SCN11A: variants seen among roughly 807,000 people sequenced by gnomAD.
The protein encoded by SCN11A is sodium voltage-gated channel alpha subunit 11.
In SCN11A, 122 loss-of-function variants were observed where a neutral mutation model predicts 162.2. That is an observed-to-expected ratio of 0.75 (90% CI 0.65 to 0.87). The LOEUF (loss-of-function observed/expected upper bound fraction) is 0.87, where lower values mean the gene tolerates loss of function less well. SCN11A is among the 40% of genes least tolerant of loss of function. The probability of loss-of-function intolerance (pLI) is 0.00; values close to 1 mark genes in which losing one functional copy is unlikely to be tolerated. For missense variants in SCN11A, 2,015 were observed against 2,181.6 expected (o/e 0.92, Z 1.52); for synonymous variants, 758 against 751.5 (o/e 1.01, Z -0.14).
At chr3:38,923,418 CCCTTGGTGGTCTCA>C (rs1240729161) in intron 9 of SCN11A, among the ~76,000 whole-genome samples, 1 of 152,152 alleles carries the variant, frequency 6.6e-6, no homozygotes, top group Non-Finnish European at 1.5e-5. Flanking sequence ...TGAATCCTTT[CCCTTGGTGGTCTCA>C]CAGCCATCTC....
chr3:39,012,843 G>A (rs1014336010), intron 2 of SCN11A, among the ~76,000 whole-genome samples: 5 of 152,084 alleles, frequency 3.3e-5, no homozygotes, highest in African/African-American at 1.2e-4. Flanking sequence ...TAACTTCCTT[G>A]CTTCATAAAT....
chr3:38,956,284 T>A (rs2066681062), intron 3 of SCN11A, among the ~76,000 whole-genome samples: 1 of 151,926 alleles, frequency 6.6e-6, no homozygotes. Flanking sequence ...AAGAAGCAAT[T>A]GCCCTGACAG....
chr3:38,870,945 T>G (rs2065116077), intron 25 of SCN11A, among the ~76,000 whole-genome samples: 1 of 152,180 alleles, frequency 6.6e-6, no homozygotes, highest in South Asian at 2.1e-4. Flanking sequence ...TCTTCTTCAT[T>G]TGTACAAGAT....
chr3:38,917,780 T>C (rs145739146), intron 11 of SCN11A, among the ~76,000 whole-genome samples: 2,419 of 152,220 alleles, frequency 0.016, 67 homozygotes, highest in African/African-American at 0.056. Context: ...CAAACCTGCA[T>C]ATGTACCCCT....
At chr3:38,894,469 TACC>T in intron 19 of SCN11A, 61 bp downstream of exon 19, 1 of 1,343,902 alleles carries the variant, frequency 7.4e-7, no homozygotes. Flanking sequence ...AAGGGCAGGC[TACC>T]AGTGCCCTGT....
chr3:38,854,889 G>C (rs973800143), intron 28 of SCN11A, among the ~76,000 whole-genome samples: 5 of 152,208 alleles, frequency 3.3e-5, no homozygotes, highest in Non-Finnish European at 7.3e-5. Flanking sequence ...GTATCTCACA[G>C]GGGTCTTCTG....
At chr3:38,937,091 T>C (rs2066346400) in intron 7 of SCN11A, among the ~76,000 whole-genome samples, 1 of 152,110 alleles carries the variant, frequency 6.6e-6, no homozygotes, top group Non-Finnish European at 1.5e-5. Flanking sequence ...ATCTGATCTT[T>C]GACAAACCTG....
At chr3:39,030,024 C>T (rs2031707257) in intron 2 of SCN11A, among the ~76,000 whole-genome samples, 1 of 152,188 alleles carries the variant, frequency 6.6e-6, no homozygotes, top group South Asian at 2.1e-4. Context: ...GGGTTGCCAG[C>T]CCACAGTGCT....
intron 2 of SCN11A, among the ~76,000 whole-genome samples, chr3:39,027,194 CCT>C (rs1421153915): frequency 6.6e-6 from 1 of 152,122 alleles, no homozygotes; most frequent in East Asian, 1.9e-4. Flanking sequence ...ATTGAACATC[CCT>C]GTCTTGTTTA....
At chr3:38,967,837 C>T (rs768624277) in intron 2 of SCN11A, among the ~76,000 whole-genome samples, 9 of 152,226 alleles carry the variant, frequency 5.9e-5, no homozygotes, top group Non-Finnish European at 8.8e-5. Flanking sequence ...AAGGCATCAA[C>T]GCCCAACTCA....
At chr3:38,884,301 C>T (rs985638615) in intron 21 of SCN11A, among the ~76,000 whole-genome samples, 1 of 152,158 alleles carries the variant, frequency 6.6e-6, no homozygotes, top group Non-Finnish European at 1.5e-5. Context: ...ATCATATGCA[C>T]ACCTCAAGAG....
At chr3:39,044,144 G>C (rs565873171) in intron 1 of SCN11A, among the ~76,000 whole-genome samples, 25 of 151,964 alleles carry the variant, frequency 1.6e-4, no homozygotes, top group Admixed American at 2.6e-4. Flanking sequence ...TCAGTAAAAG[G>C]GTGTAACAAT....
At chr3:38,852,182 G>C (rs1322124368) in intron 28 of SCN11A, among the ~76,000 whole-genome samples, 1 of 152,180 alleles carries the variant, frequency 6.6e-6, no homozygotes, top group Non-Finnish European at 1.5e-5. Flanking sequence ...GCAATGAGAG[G>C]AAGGAGGGTA....
intron 1 of SCN11A, among the ~76,000 whole-genome samples, chr3:39,039,593 A>G (rs902211953): frequency 1.3e-5 from 2 of 152,198 alleles, no homozygotes; most frequent in Admixed American, 6.5e-5. Flanking sequence ...CTCTAGCACT[A>G]AAGCCCACAT....
chr3:39,036,249 T>C (rs552809268), intron 1 of SCN11A, among the ~76,000 whole-genome samples: 115 of 152,228 alleles, frequency 7.6e-4, no homozygotes, highest in African/African-American at 2.0e-3. Context: ...GTTCAAGAGA[T>C]TCTCACGCCT....
chr3:38,946,944 C>T (rs1272048054), intron 5 of SCN11A, 37 bp from the exon 6 acceptor site: 3 of 1,170,592 alleles, frequency 2.6e-6, no homozygotes, highest in Non-Finnish European at 3.8e-6. Context: ...AAAACACACA[C>T]ATACACAACA....
intron 19 of SCN11A, among the ~76,000 whole-genome samples, chr3:38,887,522 C>T (rs2065422515): frequency 6.6e-6 from 1 of 151,080 alleles, no homozygotes; most frequent in Admixed American, 6.6e-5. Flanking sequence ...ACCAACATGG[C>T]ATATGTATAC....
At chr3:39,004,558 G>A (rs192940340) in intron 2 of SCN11A, among the ~76,000 whole-genome samples, 156 of 152,232 alleles carry the variant, frequency 1.0e-3, no homozygotes, top group African/African-American at 3.6e-3. Context: ...GTTCTGTGAA[G>A]AATGTAATTG....
intron 2 of SCN11A, among the ~76,000 whole-genome samples, chr3:39,018,925 GCT>G (rs2031370915): frequency 6.6e-6 from 1 of 152,174 alleles, no homozygotes; most frequent in Non-Finnish European, 1.5e-5. Flanking sequence ...CTAGCCAAAT[GCT>G]CTTTCTTTTG....
Sources: allele counts gnomAD v4.1 joint callset (sites outside exome capture counted in the v4.1 genomes callset), GRCh38; gene constraint gnomAD v4.1.1; transcripts MANE v1.5; gene names NCBI Gene and HGNC (gene_info 2026-07-23, HGNC 2026-07-21).